The following HS3ST4 variants were observed in gnomAD, a reference collection of about 807,000 sequenced individuals.
The protein encoded by HS3ST4 is heparan sulfate-glucosamine 3-sulfotransferase 4.
In HS3ST4, 17 loss-of-function variants were observed where a neutral mutation model predicts 29.2. That is an observed-to-expected ratio of 0.58 (90% CI 0.40 to 0.87). The LOEUF is 0.87. HS3ST4 is among the 40% of genes least tolerant of loss of function. The pLI is 0.00. For missense variants in HS3ST4, 627 were observed against 634.5 expected (o/e 0.99, Z 0.13); for synonymous variants, 314 against 285.7 (o/e 1.10, Z -1.00).
chr16:25,991,782 G>C (rs1289528996), intron 1 of HS3ST4, among the ~76,000 whole-genome samples: 2 of 152,284 alleles, frequency 1.3e-5, no homozygotes, highest in African/African-American at 4.8e-5. Context: ...AGCACTTTGG[G>C]AGGCTGGGGC....
intron 1 of HS3ST4, among the ~76,000 whole-genome samples, chr16:25,903,354 A>ATATGTATATATTATATATATGTG: frequency 7.5e-6 from 1 of 133,372 alleles, no homozygotes; most frequent in Non-Finnish European, 1.6e-5. Context: ...ATATATATGT[A>ATATGTATATATTATATATATGTG]TATGTATATC....
chr16:25,734,863 G>C (rs182036343), intron 1 of HS3ST4, among the ~76,000 whole-genome samples: 1 of 151,976 alleles, frequency 6.6e-6, no homozygotes, highest in Admixed American at 6.5e-5. Context: ...GGCGACCAAA[G>C]CCTACACTGG....
Position 25,828,310 on chromosome 16 carries a change from C to T in HS3ST4, c.734+135159C>T, listed in dbSNP as rs9944339. Among the ~76,000 whole-genome samples, 402 of 88,588 alleles carry T rather than the reference C, an allele frequency of 4.5e-3. 5 individuals carry two copies. Among genetic ancestry groups the T allele is most frequent in the African/African-American group, 0.011 (219 of 20,054 alleles). The allele number at this position is 88,588 out of a possible 152,430, so 58.1% of individuals were successfully genotyped here. A position where few individuals can be genotyped will look rare whatever the true frequency, so the allele number is the denominator to read the frequency against. On this transcript the variant is annotated intron_variant, in intron 1 of 1. Coordinates refer to ENST00000331351, the MANE Select transcript of HS3ST4 (RefSeq NM_006040.3). ...TTTCTTTCTTTCTTTCCCTCTCTCT[C>T]TCTCTCTCTCTCTCTCTCTCTCTCT...
intron 1 of HS3ST4, among the ~76,000 whole-genome samples, chr16:25,845,761 T>C (rs568228612): frequency 6.6e-6 from 1 of 152,048 alleles, no homozygotes; most frequent in South Asian, 2.1e-4. Context: ...TTCTCTCTCT[T>C]CATTTTTGCC....
At chr16:25,702,364 A>T (rs1966339828) in intron 1 of HS3ST4, among the ~76,000 whole-genome samples, 1 of 152,214 alleles carries the variant, frequency 6.6e-6, no homozygotes, top group African/African-American at 2.4e-5. Context: ...GGGAAAAAAT[A>T]CTGTGTGTAT....
intron 1 of HS3ST4, among the ~76,000 whole-genome samples, chr16:25,780,163 C>T (rs1966851364): frequency 6.6e-6 from 1 of 152,200 alleles, no homozygotes; most frequent in Non-Finnish European, 1.5e-5. Flanking sequence ...TTCTAGGATG[C>T]ACCGTGTTCA....
At chr16:25,914,610 G>T (rs1367162347) in intron 1 of HS3ST4, among the ~76,000 whole-genome samples, 1 of 147,054 alleles carries the variant, frequency 6.8e-6, no homozygotes, top group Non-Finnish European at 1.5e-5. Context: ...GTGTGTGTAG[G>T]GTGTGTGGGG....
intron 1 of HS3ST4, among the ~76,000 whole-genome samples, chr16:25,794,896 T>TACACACACACACACACAC (rs59740575): frequency 2.9e-5 from 4 of 136,720 alleles, no homozygotes; most frequent in South Asian, 2.4e-4. Flanking sequence ...TACTCAAGAA[T>TACACACACACACACACAC]ACACACACAC....
chr16:25,960,263 AGAT>A (rs1968781665), intron 1 of HS3ST4, among the ~76,000 whole-genome samples: 1 of 152,212 alleles, frequency 6.6e-6, no homozygotes, highest in Admixed American at 6.5e-5. Context: ...GAAGCTGAGC[AGAT>A]GTGGGTACCA....
intron 1 of HS3ST4, among the ~76,000 whole-genome samples, chr16:25,817,301 C>T (rs981271965): frequency 2.6e-5 from 4 of 152,168 alleles, no homozygotes; most frequent in African/African-American, 7.2e-5. Context: ...GGTTTCAGAA[C>T]GCCACTACTC....
chr16:25,848,724 C>T (rs1192746307), intron 1 of HS3ST4, among the ~76,000 whole-genome samples: 10 of 152,010 alleles, frequency 6.6e-5, no homozygotes, highest in Non-Finnish European at 1.0e-4. Context: ...TTCATTGCTG[C>T]AAATTCCTAT....
At chr16:25,742,251 A>G (rs1234459193) in intron 1 of HS3ST4, among the ~76,000 whole-genome samples, 4 of 152,182 alleles carry the variant, frequency 2.6e-5, no homozygotes, top group Non-Finnish European at 5.9e-5. Flanking sequence ...CCCTCTTCAC[A>G]TAGTCCCAGA....
chr16:25,889,849 A>G (rs989929547), intron 1 of HS3ST4, among the ~76,000 whole-genome samples: 6 of 152,062 alleles, frequency 3.9e-5, no homozygotes, highest in Non-Finnish European at 1.5e-5. Context: ...CTGTTCTCTG[A>G]TAGTGAGTAA....
At chr16:26,125,312 AACTGTTCC>A (rs138771154) in intron 1 of HS3ST4, among the ~76,000 whole-genome samples, 3,806 of 152,294 alleles carry the variant, frequency 0.025, 139 homozygotes, top group African/African-American at 0.085. Flanking sequence ...TTCAGGATGA[AACTGTTCC>A]ACCTCAGGTC....
intron 1 of HS3ST4, among the ~76,000 whole-genome samples, chr16:25,784,360 T>C (rs1194214809): frequency 6.6e-6 from 1 of 152,174 alleles, no homozygotes; most frequent in Non-Finnish European, 1.5e-5. Context: ...ATGATGGAGC[T>C]CAGTGAGAAA....
chr16:25,803,195 G>C (rs143230481), intron 1 of HS3ST4, among the ~76,000 whole-genome samples: 1 of 152,142 alleles, frequency 6.6e-6, no homozygotes, highest in East Asian at 1.9e-4. Flanking sequence ...TCTGAGTGTT[G>C]TTGTGTGATC....
intron 1 of HS3ST4, among the ~76,000 whole-genome samples, chr16:25,976,231 T>G (rs1968942141): frequency 6.6e-6 from 1 of 152,206 alleles, no homozygotes; most frequent in Non-Finnish European, 1.5e-5. Flanking sequence ...CTCATATTCC[T>G]TGCTTTAAAA....
intron 1 of HS3ST4, among the ~76,000 whole-genome samples, chr16:25,873,471 C>CT (rs1967786523): frequency 4.4e-5 from 4 of 90,846 alleles, no homozygotes; most frequent in African/African-American, 1.7e-4. Context: ...CCCACCCATC[C>CT]ATCTATCTCT....
chr16:25,926,766 C>T (rs1341559647), intron 1 of HS3ST4, among the ~76,000 whole-genome samples: 1 of 152,216 alleles, frequency 6.6e-6, no homozygotes, highest in Non-Finnish European at 1.5e-5. Flanking sequence ...CCTAGAAATA[C>T]ATTCTGTTAA....
Sources: allele counts gnomAD v4.1 joint callset (sites outside exome capture counted in the v4.1 genomes callset), GRCh38; gene constraint gnomAD v4.1.1; transcripts MANE v1.5; gene names NCBI Gene and HGNC (gene_info 2026-07-23, HGNC 2026-07-21).